CHD2: variants seen among roughly 807,000 people sequenced by gnomAD.
CHD2 encodes chromodomain helicase DNA binding protein 2.
Under a neutral mutation model 243.9 loss-of-function variants are expected in CHD2, and 28 were observed. The ratio of observed to expected loss-of-function variants is 0.11; its 90% confidence interval spans 0.09 to 0.16. CHD2 has a LOEUF of 0.16. Among genes scored for constraint, CHD2 ranks in the 10% least tolerant of loss-of-function variants. The pLI, the probability that CHD2 is intolerant of heterozygous loss-of-function variation, is 1.00. For synonymous variants in CHD2, 775 were observed against 779.0 expected, an observed-to-expected ratio of 0.99 and a Z score of 0.09; for missense variants, 1,386 against 2,209.8, an observed-to-expected ratio of 0.63 and a Z score of 7.47.
chr15:93,004,260 T>C (rs998875611), intron 33 of CHD2, among the ~76,000 whole-genome samples: 3 of 152,340 alleles, frequency 2.0e-5, no homozygotes, highest in South Asian at 4.1e-4. Flanking sequence ...AAGGGTATGC[T>C]GTTAATAAAG....
At chr15:92,907,041 A>G (rs930545389) in intron 2 of CHD2, among the ~76,000 whole-genome samples, 4 of 152,210 alleles carry the variant, frequency 2.6e-5, no homozygotes, top group African/African-American at 9.6e-5. Flanking sequence ...GTGATCAGTA[A>G]TTCAGCACAA....
At position 92,997,680 on chromosome 15, in the gene CHD2, C is replaced by T. The variant is rs1415177496; in HGVS notation, c.3885+277C>T. ...GTCAGATTTCATTACAATAAATACC[C>T]AGGTGAGTTTGTTAATGATAAAAGC... On this transcript the variant is annotated intron_variant, in intron 30 of 38. Coordinates refer to ENST00000394196, the MANE Select transcript of CHD2 (RefSeq NM_001271.4). This position sits in a 1 kb window ranked among gnomAD's most constrained non-coding sequence, Gnocchi z 4.1. 1 of 248,058 alleles carries T rather than the reference C, an allele frequency of 4.0e-6. No individual in the cohort carries two copies. Among genetic ancestry groups the T allele is most frequent in the African/African-American group, 2.2e-5 (1 of 44,480 alleles). 15.4% of individuals were successfully genotyped at this position (248,058 alleles called of 1,614,324 possible).
At chr15:93,022,781 G>T (rs1399304788) in intron 38 of CHD2, among the ~76,000 whole-genome samples, 1 of 152,160 alleles carries the variant, frequency 6.6e-6, no homozygotes, top group Non-Finnish European at 1.5e-5. Context: ...CCTTCTTCCT[G>T]TGTCACAGCC....
At chr15:93,003,992 C>T (rs1248262006) in intron 33 of CHD2, among the ~76,000 whole-genome samples, 1 of 151,900 alleles carries the variant, frequency 6.6e-6, no homozygotes, top group Non-Finnish European at 1.5e-5. Flanking sequence ...GGTGTGGTGG[C>T]GTGCGCCTGT....
intron 13 of CHD2, among the ~76,000 whole-genome samples, chr15:92,951,103 T>G (rs1025885210): frequency 4.6e-5 from 7 of 152,204 alleles, no homozygotes; most frequent in African/African-American, 1.7e-4. Context: ...GGAACAAAGG[T>G]GCCGTGTACC....
intron 2 of CHD2, among the ~76,000 whole-genome samples, chr15:92,919,556 A>C (rs2052914280): frequency 1.3e-5 from 2 of 151,948 alleles, no homozygotes; most frequent in Non-Finnish European, 2.9e-5. Flanking sequence ...ATGCCCAGCT[A>C]ATTTTTTGTA....
Position 92,979,272 on chromosome 15 carries a change from A to G in CHD2, c.2865A>G (p.Ser955=), listed in dbSNP as rs769531663. The change falls in exon 22 of 39, where the codon TCA becomes TCG. Residue 955 remains serine, a synonymous_variant. Coordinates refer to ENST00000394196, the MANE Select transcript of CHD2 (RefSeq NM_001271.4). ...GCCGGACGATCCTGGAAAACAACTC[A>G]GGAAGGTCCAAGTAAGTGCCAGGAA... ...TTGRTILENN[S]GRSNSNPFNK... is the part of the protein sequence containing the mutation. 4.3e-6 allele frequency: 7 copies of G among 1,613,984 alleles called. No homozygotes were observed. Among genetic ancestry groups the G allele is most frequent in the African/African-American group, 1.3e-5 (1 of 75,034 alleles).
chr15:92,926,295 C>G (rs1158311774), intron 3 of CHD2, among the ~76,000 whole-genome samples: 1 of 152,196 alleles, frequency 6.6e-6, no homozygotes, highest in African/African-American at 2.4e-5. Flanking sequence ...CAAGTCTCAG[C>G]TAGTGGCTTC....
intron 16 of CHD2, among the ~76,000 whole-genome samples, chr15:92,959,816 A>G (rs369895531): frequency 1.3e-5 from 2 of 152,228 alleles, no homozygotes; most frequent in Non-Finnish European, 2.9e-5. Context: ...AAAATGGAGA[A>G]GTACAAGTTC....
At chr15:92,962,615 T>A (rs2053705247) in intron 16 of CHD2, among the ~76,000 whole-genome samples, 1 of 152,230 alleles carries the variant, frequency 6.6e-6, no homozygotes, top group African/African-American at 2.4e-5. Flanking sequence ...ATAATCTGTA[T>A]TCTGCCTTTG....
intron 2 of CHD2, chr15:92,902,138 T>G (rs2052537413): frequency 2.5e-6 from 1 of 397,924 alleles, no homozygotes; most frequent in Non-Finnish European, 4.4e-6. Context: ...ACAATTTAGA[T>G]GTAGCTGCTT....
chr15:93,008,684 G>A (rs1286017558), intron 34 of CHD2, among the ~76,000 whole-genome samples: 4 of 152,196 alleles, frequency 2.6e-5, no homozygotes, highest in Non-Finnish European at 4.4e-5. Context: ...TGGGGAGGCA[G>A]AGAAAAGATG....
chr15:92,951,602 T>A (rs2053555382), intron 13 of CHD2, among the ~76,000 whole-genome samples: 2 of 152,188 alleles, frequency 1.3e-5, no homozygotes, highest in Admixed American at 6.5e-5. Context: ...GAAAAACAGG[T>A]GAATCAATTC....
At chr15:92,941,736 G>A (rs2053386181) in intron 7 of CHD2, 86 bp from the exon 8 acceptor site, 1 of 1,356,268 alleles carries the variant, frequency 7.4e-7, no homozygotes, top group Non-Finnish European at 1.0e-6. Flanking sequence ...AAAAGGGTAT[G>A]GTTTCTTATT....
At position 92,939,644 on chromosome 15, in the gene CHD2, T is replaced by G; in HGVS notation, c.618T>G (p.Asp206Glu). 6.2e-7 allele frequency: 1 copy of G among 1,614,136 alleles called. No homozygotes were observed. The highest frequency in any genetic ancestry group is 1.7e-5 in the Admixed American group (1 of 60,016). ...AGCGTGGAAAGAGAAAAAAGCAAGA[T>G]TCTTCTGATGAGGATGATGATGATG... ...KTQRGKRKKQDSSDEDDDDDE... is the reference protein window; with the variant it reads ...KTQRGKRKKQESSDEDDDDDE... The change falls in exon 7 of 39, where the codon GAT (aspartate) becomes GAG (glutamate). Residue 206 changes from aspartate to glutamate, a missense_variant. Asp to Glu is a conservative substitution (Grantham distance 45). Coordinates refer to ENST00000394196, the MANE Select transcript of CHD2 (RefSeq NM_001271.4).
chr15:93,018,345 A>C (rs529838313), intron 37 of CHD2, among the ~76,000 whole-genome samples: 9 of 152,338 alleles, frequency 5.9e-5, no homozygotes, highest in African/African-American at 1.9e-4. Context: ...TATTAATGCT[A>C]TCAGTTTCTG....
chr15:92,910,637 C>T (rs1345699391), intron 2 of CHD2, among the ~76,000 whole-genome samples: 2 of 152,058 alleles, frequency 1.3e-5, no homozygotes, highest in East Asian at 3.9e-4. Flanking sequence ...CTCAAATGAT[C>T]TTGCCACCTC....
At chr15:92,967,197 T>C in intron 16 of CHD2, 128 bp from the exon 17 acceptor site, 1 of 639,326 alleles carries the variant, frequency 1.6e-6, no homozygotes, top group East Asian at 2.9e-5. Context: ...TTGTTTTCCC[T>C]TCTATTTAAG....
chr15:92,950,179 T>G (rs2053534092), intron 13 of CHD2, among the ~76,000 whole-genome samples: 1 of 152,188 alleles, frequency 6.6e-6, no homozygotes, highest in South Asian at 2.1e-4. Context: ...GGACATAGAA[T>G]GTACTTATTC....
Sources: allele counts gnomAD v4.1 joint callset (sites outside exome capture counted in the v4.1 genomes callset), GRCh38; gene constraint gnomAD v4.1.1; non-coding constraint Gnocchi (gnomAD v3.1); transcripts MANE v1.5; gene names NCBI Gene and HGNC (gene_info 2026-07-23, HGNC 2026-07-21).